Variants in CLEC9A observed in about 807,000 individuals in gnomAD.
CLEC9A encodes the protein C-type lectin domain containing 9A, also known as C-type lectin domain family 9 member A.
A neutral mutation model predicts 30.0 loss-of-function variants in CLEC9A; 24 were observed. The ratio of observed to expected loss-of-function variants is 0.80; its 90% CI spans 0.58 to 1.13. The LOEUF (loss-of-function observed/expected upper bound fraction) is 1.13, where lower values mean the gene tolerates loss of function less well. CLEC9A is among the 50% of genes most tolerant of loss of function. The pLI, the probability that CLEC9A is intolerant of heterozygous loss-of-function variation, is 0.00. For synonymous variants in CLEC9A, 111 were observed against 96.8 expected, an observed-to-expected ratio of 1.15 and a Z score of -0.86; for missense variants, 251 against 280.9, an observed-to-expected ratio of 0.89 and a Z score of 0.76.
chr12:10,062,760 G>A (rs1325514862), intron 6 of CLEC9A, among the ~76,000 whole-genome samples: 1 of 151,962 alleles, frequency 6.6e-6, no homozygotes, highest in African/African-American at 2.4e-5. Context: ...TTCAAAGAAA[G>A]GAAAGATTGA....
At chr12:10,031,700 A>T (rs1176905474) in intron 1 of CLEC9A, among the ~76,000 whole-genome samples, 1 of 152,120 alleles carries the variant, frequency 6.6e-6, no homozygotes, top group African/African-American at 2.4e-5. Context: ...AGGTGGGAGG[A>T]TTGCTTGAAG....
At chr12:10,055,749 A>G (rs1421506405) in intron 5 of CLEC9A, among the ~76,000 whole-genome samples, 2 of 152,014 alleles carry the variant, frequency 1.3e-5, no homozygotes, top group Non-Finnish European at 2.9e-5. Context: ...ACTACATAAT[A>G]AGGATGATTA....
chr12:10,046,325 C>G (rs1163170632), intron 2 of CLEC9A, among the ~76,000 whole-genome samples: 3 of 152,114 alleles, frequency 2.0e-5, no homozygotes, highest in African/African-American at 7.2e-5. Flanking sequence ...AGACATTACA[C>G]AAATACAATT....
In CLEC9A at chr12:10,030,697, A is replaced by T. The variant is rs1437254522; in HGVS notation, c.-593A>T. Reference sequence around the variant, plus strand: ...ACTTCCGTTTGTACCCGGCTGTGGCAATCTGTGGTGAAGTTGAAATGCTTT... The same window carrying T: ...ACTTCCGTTTGTACCCGGCTGTGGCTATCTGTGGTGAAGTTGAAATGCTTT... On this transcript the variant is annotated 5_prime_UTR_variant, in exon 1 of 9. Coordinates refer to ENST00000355819, the MANE Select transcript of CLEC9A (RefSeq NM_207345.4). 1 of 152,212 alleles carries T rather than the reference A, an allele frequency of 6.6e-6. No homozygotes were observed. The highest frequency in any genetic ancestry group is 1.5e-5 in the Non-Finnish European group (1 of 68,038). The allele number at this position is 152,212 out of a possible 1,614,324, so 9.4% of individuals were successfully genotyped here. A position where few individuals can be genotyped will look rare whatever the true frequency, so the allele number is the denominator to read the frequency against.
At chr12:10,042,631 A>G (rs1033846786) in intron 2 of CLEC9A, among the ~76,000 whole-genome samples, 2 of 152,200 alleles carry the variant, frequency 1.3e-5, no homozygotes, top group East Asian at 1.9e-4. Context: ...AAGCCAAACA[A>G]ATAACATACT....
rs199597032 is a variant in CLEC9A, at chr12:10,052,641, G to T, written c.-47G>T. ...CTCCAAACCACAAGAGGAGTTACTT[G>T]TTCCAGCCTCCTGTGTGGACTGCTT... is the stretch of plus-strand genomic sequence containing the variant. On this transcript the variant is annotated 5_prime_UTR_variant, in exon 4 of 9. Transcript: ENST00000355819. 5.0e-4 allele frequency: 807 copies of T among 1,603,122 alleles called. 4 individuals carry two copies. The African/African-American group carries it at 9.7e-3, about 19-fold the overall frequency.
At chr12:10,032,638 G>C (rs947766586) in intron 1 of CLEC9A, among the ~76,000 whole-genome samples, 3 of 151,874 alleles carry the variant, frequency 2.0e-5, no homozygotes, top group Non-Finnish European at 2.9e-5. Flanking sequence ...TGATCCGCCC[G>C]CTTCGGCCTC....
intron 1 of CLEC9A, among the ~76,000 whole-genome samples, chr12:10,038,554 A>G (rs1002856826): frequency 3.9e-5 from 6 of 152,230 alleles, no homozygotes; most frequent in Admixed American, 1.3e-4. Flanking sequence ...AAAGTAAAAG[A>G]CTACTACTTA....
chr12:10,051,803 A>T (rs554177953), intron 2 of CLEC9A, among the ~76,000 whole-genome samples, 188 bp from the exon 3 acceptor site: 1 of 152,350 alleles, frequency 6.6e-6, no homozygotes, highest in East Asian at 1.9e-4. Context: ...TAAATAATTC[A>T]TGCTTTCCTT....
Position 10,061,182 on chromosome 12 carries a change from GA to G in CLEC9A, c.229del (p.Arg77GlyfsTer4). The G allele has an allele frequency of 6.2e-7, 1 of 1,613,470 alleles. No homozygotes were observed. The highest frequency in any genetic ancestry group is 1.1e-5 in the South Asian group (1 of 90,926). On this transcript the variant is annotated frameshift_variant, in exon 6 of 9. Transcript: ENST00000355819. LOFTEE classifies it high-confidence loss of function. ...QQQEKLIQQE[R>X]ALLNFTEWKR... ...AGCAAGAAAAACTCATCCAACAAGAGAGGGCACTGCTAAACTTTACAGAATG... is the reference window on the plus strand; with the variant it reads ...AGCAAGAAAAACTCATCCAACAAGAGGGGCACTGCTAAACTTTACAGAATG...
intron 2 of CLEC9A, among the ~76,000 whole-genome samples, chr12:10,042,489 T>C (rs1591886040): frequency 6.6e-6 from 1 of 152,234 alleles, no homozygotes; most frequent in East Asian, 1.9e-4. Flanking sequence ...TTGATTGATT[T>C]ACCTATTCCT....
At chr12:10,051,131 G>A (rs1339537840) in intron 2 of CLEC9A, among the ~76,000 whole-genome samples, 1 of 151,796 alleles carries the variant, frequency 6.6e-6, no homozygotes, top group African/African-American at 2.4e-5. Context: ...CTCGAACCCA[G>A]GAGGCAGAGG....
chr12:10,054,369 T>C lies in CLEC9A; in HGVS notation c.172+18T>C, dbSNP rs746042360. 2.0e-6 allele frequency: 3 copies of C among 1,520,482 alleles called. No homozygotes were observed. Among genetic ancestry groups the C allele is most frequent in the Non-Finnish European group, 2.7e-6 (3 of 1,100,880 alleles). The allele number at this position is 1,520,482 out of a possible 1,614,324, so 94.2% of individuals were successfully genotyped here. Reference sequence around the variant, plus strand: ...CGTCAAGTGTAAGTACTAAAAGATATTTTCAAAATATGTATATCGTTATAT... The same window carrying C: ...CGTCAAGTGTAAGTACTAAAAGATACTTTCAAAATATGTATATCGTTATAT... On this transcript the variant is annotated intron_variant, in intron 5 of 8. Coordinates refer to ENST00000355819, the MANE Select transcript of CLEC9A (RefSeq NM_207345.4).
chr12:10,031,269 G>A (rs1865693162), intron 1 of CLEC9A, among the ~76,000 whole-genome samples: 2 of 152,324 alleles, frequency 1.3e-5, no homozygotes, highest in South Asian at 2.1e-4. Flanking sequence ...GTATTTCAAT[G>A]GCCTGATACT....
At chr12:10,064,959 A>G (rs1339000658) in intron 8 of CLEC9A, 106 bp downstream of exon 8, 2 of 1,349,172 alleles carry the variant, frequency 1.5e-6, no homozygotes, top group African/African-American at 3.0e-5. Flanking sequence ...AAGCAGCATG[A>G]TAATGTTACA....
rs1591881271 is a variant in CLEC9A, at chr12:10,032,868, T to A, written c.-318+1896T>A. Among the ~76,000 whole-genome samples the A allele has an allele frequency of 3.3e-5, 5 of 152,144 alleles. No homozygotes were observed. The South Asian group carries it at 1.0e-3, about 32-fold the overall frequency. On this transcript the variant is annotated intron_variant, in intron 1 of 8. Coordinates refer to ENST00000355819, the MANE Select transcript of CLEC9A (RefSeq NM_207345.4). ...TGCCCCCATACACACGATTCTAATT[T>A]TCTTATATTTCTTCTTAACATTTCT...
intron 2 of CLEC9A, among the ~76,000 whole-genome samples, chr12:10,044,433 G>C (rs996454480): frequency 4.6e-5 from 7 of 152,148 alleles, no homozygotes; most frequent in South Asian, 2.1e-4. Context: ...CAGACCATGG[G>C]CTTTATCTCC....
At position 10,033,089 on chromosome 12, in the gene CLEC9A, CA is replaced by C. The variant is rs879269046; in HGVS notation, c.-318+2129del. On this transcript the variant is annotated intron_variant, in intron 1 of 8. Transcript: ENST00000355819. ...TCATCTCACGCACCAGATAAGCATTCAAAAAAAAAAAAGATTATTCCCTTTT... is the reference window on the plus strand; with the variant it reads ...TCATCTCACGCACCAGATAAGCATTCAAAAAAAAAAAGATTATTCCCTTTT... 1.2e-3 allele frequency among the ~76,000 whole-genome samples: 164 copies of C among 139,876 alleles called. 1 individual carries two copies. Among genetic ancestry groups the C allele is most frequent in the African/African-American group, 1.4e-3 (55 of 38,274 alleles). 91.8% of individuals were successfully genotyped at this position (139,876 alleles called of 152,430 possible).
At chr12:10,060,209 C>T (rs1203218834) in intron 5 of CLEC9A, among the ~76,000 whole-genome samples, 1 of 152,174 alleles carries the variant, frequency 6.6e-6, no homozygotes, top group African/African-American at 2.4e-5. Flanking sequence ...TGAGCGTATA[C>T]CTCATAGAAA....
Sources: allele counts gnomAD v4.1 joint callset (sites outside exome capture counted in the v4.1 genomes callset), GRCh38; gene constraint gnomAD v4.1.1; transcripts MANE v1.5; gene names NCBI Gene and HGNC (gene_info 2026-07-23, HGNC 2026-07-21).